Variants in EPB41 observed in about 807,000 individuals in gnomAD.
EPB41 encodes the protein erythrocyte membrane protein band 4.1, also known as protein 4.1.
EPB41 carries 65 observed loss-of-function variants against 108.0 expected under a neutral mutation model. That is an observed-to-expected ratio of 0.60 (90% confidence interval 0.49 to 0.74). EPB41 has a LOEUF of 0.74. Among genes scored for constraint, EPB41 ranks in the 30% least tolerant of loss-of-function variants. The pLI, the probability that EPB41 is intolerant of heterozygous loss-of-function variation, is 0.00. For synonymous variants in EPB41, 336 were observed against 358.9 expected (o/e 0.94, Z 0.72); for missense variants, 875 against 1,037.0 (o/e 0.84, Z 2.15).
At chr1:28,925,750 CAG>C (rs1265702328) in intron 1 of EPB41, among the ~76,000 whole-genome samples, 4 of 152,060 alleles carry the variant, frequency 2.6e-5, no homozygotes, top group African/African-American at 9.7e-5. Flanking sequence ...GAGTTTAATT[CAG>C]AGAGGTCATA....
chr1:28,999,106 C>T (rs906279829), intron 4 of EPB41, among the ~76,000 whole-genome samples: 10 of 152,300 alleles, frequency 6.6e-5, no homozygotes, highest in Non-Finnish European at 1.0e-4. Context: ...TGTGGTGGCT[C>T]ACGCCTGTAA....
Position 29,023,081 on chromosome 1 carries a change from G to A in EPB41, c.1124+4639G>A, listed in dbSNP as rs140171666. Reference sequence around the variant, plus strand: ...GTGATCTCGGCTCACTGCAATCTCCGCCTGCTTGGTTCAAGTGATTCTCGT... The same window carrying A: ...GTGATCTCGGCTCACTGCAATCTCCACCTGCTTGGTTCAAGTGATTCTCGT... On this transcript the variant is annotated intron_variant, in intron 7 of 20. Coordinates refer to ENST00000343067, the MANE Select transcript of EPB41 (RefSeq NM_001376013.1). Among the ~76,000 whole-genome samples, 626 of 150,484 alleles carry A rather than the reference G, an allele frequency of 4.2e-3. 16 individuals carry two copies. Among genetic ancestry groups the A allele is most frequent in the African/African-American group, 0.015 (600 of 40,706 alleles).
chr1:28,911,437 G>A (rs572181572), upstream of EPB41, among the ~76,000 whole-genome samples: 12 of 152,322 alleles, frequency 7.9e-5, no homozygotes, highest in South Asian at 2.5e-3. Flanking sequence ...GTTAGCCTGA[G>A]ACCTCTACTT....
chr1:29,074,185 A>G (rs908064128), intron 16 of EPB41, among the ~76,000 whole-genome samples: 1 of 152,170 alleles, frequency 6.6e-6, no homozygotes, highest in African/African-American at 2.4e-5. Context: ...TTTTTTCGGC[A>G]AGGGTTTTGA....
Position 29,035,936 on chromosome 1 carries a change from C to T in EPB41, c.1463+13C>T. The T allele has an allele frequency of 6.4e-7, 1 of 1,569,524 alleles. No individual in the cohort carries two copies. Among genetic ancestry groups the T allele is most frequent in the Non-Finnish European group, 8.8e-7 (1 of 1,139,546 alleles). ...ACACGTTTTTCAGGTATTATTCTCA[C>T]TTAAGTATTTTTCAAGGATAAATTA... On this transcript the variant is annotated intron_variant, in intron 10 of 20. Transcript: ENST00000343067.
At chr1:28,916,879 C>T (rs1472100441) in intron 1 of EPB41, among the ~76,000 whole-genome samples, 1 of 151,726 alleles carries the variant, frequency 6.6e-6, no homozygotes, top group Admixed American at 6.6e-5. Flanking sequence ...CAGCCTTAAA[C>T]TCCTGGGCTC....
intron 1 of EPB41, among the ~76,000 whole-genome samples, chr1:28,932,918 C>A (rs2148588007): frequency 6.6e-6 from 1 of 152,030 alleles, no homozygotes; most frequent in South Asian, 2.1e-4. Context: ...AGCTTTTTTC[C>A]AGGATTTTCT....
chr1:28,959,114 A>G lies in EPB41; in HGVS notation c.-7-28317A>G, dbSNP rs374799740. 2.5e-3 allele frequency among the ~76,000 whole-genome samples: 377 copies of G among 152,020 alleles called. 3 individuals are homozygous for G. The highest frequency in any genetic ancestry group is 8.7e-3 in the African/African-American group (359 of 41,476). On this transcript the variant is annotated intron_variant, in intron 1 of 20. Transcript: ENST00000343067. The stretch of plus-strand genomic sequence containing the variant: ...AGTTCTAGGTGGGGCTGGTGGGAGA[A>G]GAGACTAGTGAGGGCAGATCACAGC...
At chr1:29,092,414 T>G (rs1661594549) in intron 16 of EPB41, among the ~76,000 whole-genome samples, 1 of 152,022 alleles carries the variant, frequency 6.6e-6, no homozygotes, top group Admixed American at 6.6e-5. Context: ...TTCCTTTCTT[T>G]ATTGTTTCTC....
intron 16 of EPB41, among the ~76,000 whole-genome samples, chr1:29,082,641 A>C (rs1187587596): frequency 1.3e-5 from 2 of 152,064 alleles, no homozygotes; most frequent in Non-Finnish European, 2.9e-5. Context: ...TGACCACCAA[A>C]CGCTTCTGGT....
chr1:28,902,448 G>C, intron 1 of EPB41: 1 of 924,724 alleles, frequency 1.1e-6, no homozygotes, highest in Non-Finnish European at 1.3e-6. Context: ...AATCATAGCA[G>C]AGAGCTGTGC....
intron 1 of EPB41, among the ~76,000 whole-genome samples, chr1:28,900,602 T>C (rs774933089): frequency 5.3e-5 from 8 of 152,094 alleles, no homozygotes; most frequent in Non-Finnish European, 1.0e-4. Flanking sequence ...CATTTACTTC[T>C]CTTCTCTTGG....
rs1247786902 is a variant in EPB41 at position 29,115,390 on chromosome 1, C to CTCAA, written c.2497-308_2497-305dup. ...CCTGGGTGACGGAGCGAGACTCCAT[C>CTCAA]TCAACAACAACAAAAAATAAAAAAA... On this transcript the variant is annotated intron_variant, in intron 19 of 20. Coordinates refer to ENST00000343067, the MANE Select transcript of EPB41 (RefSeq NM_001376013.1). This position sits in a 1 kb window ranked among gnomAD's most constrained non-coding sequence, Gnocchi z 4.4. Among the ~76,000 whole-genome samples the CTCAA allele has an allele frequency of 2.0e-5, 3 of 151,952 alleles. No individual in the cohort carries two copies. The highest frequency in any genetic ancestry group is 7.3e-5 in the African/African-American group (3 of 41,324).
At chr1:28,975,875 A>G (rs1409985620) in intron 1 of EPB41, among the ~76,000 whole-genome samples, 10 of 140,674 alleles carry the variant, frequency 7.1e-5, no homozygotes, top group Non-Finnish European at 1.5e-4. Context: ...CGGGAGGCGG[A>G]GCTTGCAGTG....
chr1:29,035,190 G>T (rs2150356366), intron 9 of EPB41, among the ~76,000 whole-genome samples: 1 of 151,852 alleles, frequency 6.6e-6, no homozygotes, highest in East Asian at 1.9e-4. Context: ...TCACCATGTT[G>T]GTCAGGCTGG....
intron 16 of EPB41, among the ~76,000 whole-genome samples, chr1:29,068,330 C>A (rs1649440250): frequency 6.6e-6 from 1 of 152,200 alleles, no homozygotes; most frequent in Non-Finnish European, 1.5e-5. Flanking sequence ...TTGGTCCTCT[C>A]TTGGATGAGG....
At chr1:28,893,372 G>C (rs2147837527) in intron 1 of EPB41, 1 of 152,316 alleles carries the variant, frequency 6.6e-6, no homozygotes, top group African/African-American at 2.4e-5. Context: ...TGCCCGGCTG[G>C]CCCAGGTTCT....
At chr1:29,002,686 G>T (rs1002688526) in intron 4 of EPB41, among the ~76,000 whole-genome samples, 1 of 152,062 alleles carries the variant, frequency 6.6e-6, no homozygotes, top group Non-Finnish European at 1.5e-5. Context: ...ATTGGAAAAA[G>T]ATAAAATCAC....
At chr1:29,098,874 G>C (rs1407606195) in intron 17 of EPB41, among the ~76,000 whole-genome samples, 2 of 151,808 alleles carry the variant, frequency 1.3e-5, no homozygotes, top group Non-Finnish European at 2.9e-5. Context: ...AGCCTCTACA[G>C]TCATGTGCAC....
Sources: allele counts gnomAD v4.1 joint callset (sites outside exome capture counted in the v4.1 genomes callset), GRCh38; gene constraint gnomAD v4.1.1; non-coding constraint Gnocchi (gnomAD v3.1); transcripts MANE v1.5; gene names NCBI Gene and HGNC (gene_info 2026-07-23, HGNC 2026-07-21).